Variants in LPAR1 observed in about 807,000 individuals in gnomAD.
LPAR1 encodes the protein lysophosphatidic acid receptor 1.
A neutral mutation model predicts 23.8 loss-of-function variants in LPAR1; 5 were observed. The ratio of observed to expected loss-of-function variants is 0.21; its 90% CI spans 0.11 to 0.44. LPAR1 has a LOEUF of 0.44. Ranked by LOEUF, LPAR1 falls within the 20% of genes least tolerant of loss-of-function variation. The pLI is 0.99. For synonymous variants in LPAR1, 160 were observed against 164.7 expected (o/e 0.97, Z 0.22); for missense variants, 311 against 482.8 (o/e 0.64, Z 3.33).
At chr9:110,968,020 C>G (rs1192121636) in intron 4 of LPAR1, among the ~76,000 whole-genome samples, 1 of 152,178 alleles carries the variant, frequency 6.6e-6, no homozygotes, top group East Asian at 1.9e-4. Context: ...AATAATGCAA[C>G]TACCCTGGTT....
intron 5 of LPAR1, among the ~76,000 whole-genome samples, chr9:110,910,441 C>T (rs571100253): frequency 4.5e-4 from 69 of 152,234 alleles, no homozygotes; most frequent in African/African-American, 1.3e-3. Flanking sequence ...TGTACCTAGT[C>T]GCCTAAGAGC....
At chr9:110,955,671 C>T (rs1022392377) in intron 4 of LPAR1, among the ~76,000 whole-genome samples, 3 of 148,126 alleles carry the variant, frequency 2.0e-5, no homozygotes, top group Admixed American at 6.8e-5. Context: ...AAAGTCTCAA[C>T]AAATTTAAAT....
Position 110,926,114 on chromosome 9 carries a change from G to A in LPAR1, c.793+15307C>T, listed in dbSNP as rs961448854. Among the ~76,000 whole-genome samples the A allele has an allele frequency of 3.9e-5, 6 of 152,254 alleles. No individual in the cohort carries two copies. The South Asian group carries it at 1.2e-3, about 32-fold the overall frequency. On this transcript the variant is annotated intron_variant, in intron 5 of 5. Transcript: ENST00000683809. ...TTTTTGTATTTTTAGTAGAGATGGG[G>A]TTTCACCATGTTAGCCAGGATGGTC... is the stretch of plus-strand genomic sequence containing the variant.
chr9:110,968,706 G>A (rs915096878), intron 4 of LPAR1, among the ~76,000 whole-genome samples: 5 of 152,074 alleles, frequency 3.3e-5, no homozygotes, highest in African/African-American at 1.2e-4. Flanking sequence ...GTAAACTCTG[G>A]CAGGGCAAAA....
chr9:110,940,578 T>C (rs2095035423), intron 5 of LPAR1, among the ~76,000 whole-genome samples: 1 of 152,242 alleles, frequency 6.6e-6, no homozygotes, highest in African/African-American at 2.4e-5. Flanking sequence ...CTATGGAGAA[T>C]GTATAATTCC....
intron 4 of LPAR1, among the ~76,000 whole-genome samples, chr9:110,960,044 A>T (rs1349975440): frequency 6.6e-6 from 1 of 152,208 alleles, no homozygotes; most frequent in Non-Finnish European, 1.5e-5. Context: ...TAATGGGTAC[A>T]AACATACAGT....
At position 111,038,464 on chromosome 9, in the gene LPAR1, C is replaced by G. The variant is rs2097942780; in HGVS notation, c.-559G>C. The stretch of plus-strand genomic sequence containing the variant: ...CAGGGAGCGTCAGCCGCCAGTCGGC[C>G]CCTACTGCCCGGCTTTGGCGCGCTG... On this transcript the variant is annotated 5_prime_UTR_variant, in exon 1 of 6. Coordinates refer to ENST00000683809, the MANE Select transcript of LPAR1 (RefSeq NM_001351411.2). This position sits in a 1 kb window ranked among gnomAD's most constrained non-coding sequence, Gnocchi z 4.4. 2 of 345,572 alleles carry G rather than the reference C, an allele frequency of 5.8e-6. No homozygotes were observed. Among genetic ancestry groups the G allele is most frequent in the African/African-American group, 4.6e-5 (2 of 43,882 alleles). 21.4% of individuals were successfully genotyped at this position (345,572 alleles called of 1,614,324 possible).
chr9:110,959,185 A>AAAAAAAACC (rs2095865241), intron 4 of LPAR1, among the ~76,000 whole-genome samples: 1 of 146,418 alleles, frequency 6.8e-6, no homozygotes, highest in Non-Finnish European at 1.5e-5. Flanking sequence ...AAAAAAAAAA[A>AAAAAAAACC]CCACTAAAAC....
chr9:111,010,204 T>C (rs2097307319), intron 2 of LPAR1, among the ~76,000 whole-genome samples: 1 of 151,980 alleles, frequency 6.6e-6, no homozygotes, highest in Non-Finnish European at 1.5e-5. Context: ...TGCCTTTAAA[T>C]GTTAAAATTT....
At chr9:110,935,740 G>A (rs2094663538) in intron 5 of LPAR1, among the ~76,000 whole-genome samples, 1 of 152,196 alleles carries the variant, frequency 6.6e-6, no homozygotes, top group South Asian at 2.1e-4. Context: ...AACAGTTAGT[G>A]CCTGTTTTCA....
At chr9:110,994,177 A>C (rs1022731301) in intron 2 of LPAR1, among the ~76,000 whole-genome samples, 19 of 152,200 alleles carry the variant, frequency 1.2e-4, no homozygotes, top group Non-Finnish European at 2.2e-4. Flanking sequence ...TGTTCCTGCC[A>C]AAAGTTTGAA....
chr9:111,019,308 T>C (rs1159225408), intron 2 of LPAR1, among the ~76,000 whole-genome samples: 2 of 152,020 alleles, frequency 1.3e-5, no homozygotes, highest in African/African-American at 4.8e-5. Flanking sequence ...AAAATAATAA[T>C]AATAGAGATA....
At chr9:111,031,325 G>A (rs1186253398) in intron 2 of LPAR1, among the ~76,000 whole-genome samples, 1 of 150,976 alleles carries the variant, frequency 6.6e-6, no homozygotes, top group Admixed American at 6.6e-5. Context: ...GGGAGGCCAA[G>A]GTGAGAGGAT....
chr9:110,893,777 C>T (rs1803074323), intron 5 of LPAR1, among the ~76,000 whole-genome samples: 1 of 152,120 alleles, frequency 6.6e-6, no homozygotes, highest in Non-Finnish European at 1.5e-5. Flanking sequence ...TGTTTGTAAC[C>T]AAAAGTGGTA....
chr9:110,977,746 T>A (rs1268961281), intron 2 of LPAR1, among the ~76,000 whole-genome samples: 1 of 148,676 alleles, frequency 6.7e-6, no homozygotes, highest in Non-Finnish European at 1.5e-5. Flanking sequence ...GTTCTGCACA[T>A]GTATCCCGGA....
At chr9:111,029,087 AG>A (rs1235535133) in intron 2 of LPAR1, among the ~76,000 whole-genome samples, 1 of 152,252 alleles carries the variant, frequency 6.6e-6, no homozygotes, top group East Asian at 1.9e-4. Context: ...AATCTGCTAA[AG>A]AAAAATAACC....
At chr9:110,995,443 G>A (rs2096979812) in intron 2 of LPAR1, among the ~76,000 whole-genome samples, 2 of 152,102 alleles carry the variant, frequency 1.3e-5, no homozygotes, top group South Asian at 4.1e-4. Context: ...GAAAAATAAT[G>A]AGACGCTTAA....
rs367964538 is a variant in LPAR1 at position 110,904,963 on chromosome 9, G to A, written c.794-29241C>T. Among the ~76,000 whole-genome samples, 43 of 152,292 alleles carry A rather than the reference G, an allele frequency of 2.8e-4. 2 individuals carry two copies. In the South Asian group the frequency reaches 5.0e-3, roughly 18 times the overall value. On this transcript the variant is annotated intron_variant, in intron 5 of 5. Transcript: ENST00000683809. The stretch of plus-strand genomic sequence containing the variant: ...AGAGGAGAGGAAGTGACAGAAGGAA[G>A]ACACTTCAAATGTAGCATAAACCTA...
intron 5 of LPAR1, among the ~76,000 whole-genome samples, chr9:110,892,520 C>T (rs145334085): frequency 0.054 from 8,163 of 151,998 alleles, 416 homozygotes; most frequent in African/African-American, 0.13. Flanking sequence ...AAAAATTAGC[C>T]AGGCGAGGTG....
Sources: allele counts gnomAD v4.1 joint callset (sites outside exome capture counted in the v4.1 genomes callset), GRCh38; gene constraint gnomAD v4.1.1; non-coding constraint Gnocchi (gnomAD v3.1); transcripts MANE v1.5; gene names NCBI Gene and HGNC (gene_info 2026-07-23, HGNC 2026-07-21).